The following COL19A1 variants were observed in gnomAD, a reference collection of about 807,000 sequenced individuals.
COL19A1 encodes collagen type XIX alpha 1 chain, also known as collagen alpha-1(XIX) chain.
In COL19A1, 159 loss-of-function variants were observed where a neutral mutation model predicts 190.2. The observed-to-expected ratio is 0.84, with a 90% confidence interval of 0.73 to 0.95. COL19A1 has a LOEUF of 0.95. COL19A1 is among the 40% of genes least tolerant of loss of function. The pLI, the probability that COL19A1 is intolerant of heterozygous loss-of-function variation, is 0.00. For synonymous variants in COL19A1, 509 were observed against 458.9 expected, an observed-to-expected ratio of 1.11 and a Z score of -1.39; for missense variants, 1,418 against 1,431.9, an observed-to-expected ratio of 0.99 and a Z score of 0.16.
At chr6:69,918,161 TGC>T (rs1263889304) in intron 4 of COL19A1, among the ~76,000 whole-genome samples, 1 of 152,148 alleles carries the variant, frequency 6.6e-6, no homozygotes. Flanking sequence ...GTCAGAGAAA[TGC>T]ATCTTATTCT....
Position 70,209,754 on chromosome 6 carries a change from T to G in COL19A1, c.*2480T>G, listed in dbSNP as rs1768083549. On this transcript the variant is annotated 3_prime_UTR_variant, in exon 51 of 51. Coordinates refer to ENST00000620364, the MANE Select transcript of COL19A1 (RefSeq NM_001858.6). ...CTAGAGAAACAAGGCTGTATCCACA[T>G]GGTACAAGCCTTTCTCACCCTACTC... 1 of 152,218 alleles carries G rather than the reference T, an allele frequency of 6.6e-6. No homozygotes were observed. Among genetic ancestry groups the G allele is most frequent in the South Asian group, 2.1e-4 (1 of 4,836 alleles). The allele number at this position is 152,218 out of a possible 1,614,324, so 9.4% of individuals were successfully genotyped here. A position where few individuals can be genotyped will look rare whatever the true frequency, so the allele number is the denominator to read the frequency against.
chr6:70,023,947 T>C (rs1336198598), intron 12 of COL19A1, among the ~76,000 whole-genome samples: 1 of 152,216 alleles, frequency 6.6e-6, no homozygotes, highest in Non-Finnish European at 1.5e-5. Context: ...TAGTCTTTTT[T>C]TTCTGTCTTT....
In COL19A1 at chr6:70,144,363, T is replaced by C. The variant is rs138307570; in HGVS notation, c.1680+100T>C. On this transcript the variant is annotated intron_variant, in intron 24 of 50. Coordinates refer to ENST00000620364, the MANE Select transcript of COL19A1 (RefSeq NM_001858.6). ...AAGGACAGCCCAGGGCTTCTGGGATTGTACAGATTGTGCACATTAACTACA... is the reference window on the plus strand; with the variant it reads ...AAGGACAGCCCAGGGCTTCTGGGATCGTACAGATTGTGCACATTAACTACA... 85 of 1,015,890 alleles carry C rather than the reference T, an allele frequency of 8.4e-5. No individual in the cohort carries two copies. The African/African-American group carries it at 1.1e-3, about 14-fold the overall frequency. 62.9% of individuals were successfully genotyped at this position (1,015,890 alleles called of 1,614,324 possible). A position where few individuals can be genotyped will look rare whatever the true frequency, so the allele number is the denominator to read the frequency against.
intron 48 of COL19A1, among the ~76,000 whole-genome samples, chr6:70,194,384 C>A (rs1463233164): frequency 6.6e-6 from 1 of 152,184 alleles, no homozygotes; most frequent in African/African-American, 2.4e-5. Flanking sequence ...TTCCAGGCCA[C>A]CTAACCTCCC....
At position 70,097,052 on chromosome 6, in the gene COL19A1, C is replaced by T. The variant is rs778833635; in HGVS notation, c.1225-5117C>T. Among the ~76,000 whole-genome samples the T allele has an allele frequency of 2.3e-4, 35 of 152,104 alleles. 1 individual carries two copies. The highest frequency in any genetic ancestry group is 2.2e-4 in the Non-Finnish European group (15 of 68,010). On this transcript the variant is annotated intron_variant, in intron 15 of 50. Coordinates refer to ENST00000620364, the MANE Select transcript of COL19A1 (RefSeq NM_001858.6). ...CTGCTCTAACTTCATCATCATCATCCTCATCAACAACAAAAACCATCTGTC... is the reference window on the plus strand; with the variant it reads ...CTGCTCTAACTTCATCATCATCATCTTCATCAACAACAAAAACCATCTGTC...
chr6:69,962,236 T>G lies in COL19A1; in HGVS notation c.982-590T>G, dbSNP rs6903421. 2.0e-5 allele frequency among the ~76,000 whole-genome samples: 3 copies of G among 152,032 alleles called. No individual in the cohort carries two copies. The South Asian group carries it at 6.2e-4, about 32-fold the overall frequency. On this transcript the variant is annotated intron_variant, in intron 10 of 50. Coordinates refer to ENST00000620364, the MANE Select transcript of COL19A1 (RefSeq NM_001858.6). The stretch of plus-strand genomic sequence containing the variant: ...GGGAGATGTACACCTTTTAGTATAA[T>G]CATGGTGATTGAGAGCCAGCAGCCC...
At chr6:69,986,314 T>C (rs1043694342) in intron 11 of COL19A1, among the ~76,000 whole-genome samples, 2 of 151,166 alleles carry the variant, frequency 1.3e-5, no homozygotes, top group African/African-American at 4.8e-5. Flanking sequence ...AGGGATTATA[T>C]GTTTCAGTTT....
intron 15 of COL19A1, among the ~76,000 whole-genome samples, chr6:70,101,511 A>G (rs1313987753): frequency 6.6e-6 from 1 of 152,198 alleles, no homozygotes; most frequent in Non-Finnish European, 1.5e-5. Context: ...TGCAAGAATT[A>G]TACATTTTAC....
chr6:69,873,060 G>T (rs888979028), intron 1 of COL19A1, among the ~76,000 whole-genome samples: 1 of 152,086 alleles, frequency 6.6e-6, no homozygotes, highest in Admixed American at 6.6e-5. Context: ...TGTAATATGC[G>T]GATATAATAC....
chr6:70,108,439 C>T (rs1409312303), intron 16 of COL19A1, among the ~76,000 whole-genome samples: 1 of 152,092 alleles, frequency 6.6e-6, no homozygotes, highest in African/African-American at 2.4e-5. Flanking sequence ...GGGGCAACAG[C>T]TCCATCTACT....
At position 69,932,803 on chromosome 6, in the gene COL19A1, A is replaced by G; in HGVS notation, c.687A>G (p.Lys229=). 6.2e-7 allele frequency: 1 copy of G among 1,604,250 alleles called. No homozygotes were observed. The highest frequency in any genetic ancestry group is 1.1e-5 in the South Asian group (1 of 89,500). The part of the protein sequence containing the change: ...KPVDIELHQL[K]IYCSANLIAQ... ...CATAGATTGAACTTCACCAACTTAA[A>G]ATCTACTGCAGTGCAAACCTCATAG... The change falls in exon 7 of 51, where the codon AAA becomes AAG. Residue 229 remains lysine (K), a synonymous_variant. Transcript: ENST00000620364.
intron 9 of COL19A1, among the ~76,000 whole-genome samples, chr6:69,951,389 A>C (rs1178083955): frequency 6.6e-6 from 1 of 151,982 alleles, no homozygotes; most frequent in Non-Finnish European, 1.5e-5. Context: ...TAATTTTAAC[A>C]ATAAACAGTT....
At chr6:70,105,817 T>A (rs7755777) in intron 16 of COL19A1, among the ~76,000 whole-genome samples, 40,317 of 151,986 alleles carry the variant, frequency 0.27, 6,136 homozygotes, top group African/African-American at 0.42. Flanking sequence ...TGAAATGTAT[T>A]TTTTAAAAAA....
At chr6:69,877,929 A>G (rs1209930522) in intron 1 of COL19A1, among the ~76,000 whole-genome samples, 1 of 151,926 alleles carries the variant, frequency 6.6e-6, no homozygotes, top group Admixed American at 6.6e-5. Flanking sequence ...TGCTTGAACC[A>G]GGACCTGGGA....
chr6:69,913,498 A>C (rs1237944809), intron 4 of COL19A1, among the ~76,000 whole-genome samples: 1 of 152,242 alleles, frequency 6.6e-6, no homozygotes, highest in East Asian at 1.9e-4. Flanking sequence ...GAAAAGCTTC[A>C]TAGAGGAAGT....
rs192155998 is a variant in COL19A1 at position 70,180,556 on chromosome 6, C to T, written c.2775+33C>T. The stretch of plus-strand genomic sequence containing the variant: ...CTTCTTACTACTTAAAATATGCCAC[C>T]TAGAGAAATGCTCTAACATTATCTC... On this transcript the variant is annotated intron_variant, in intron 44 of 50. Coordinates refer to ENST00000620364, the MANE Select transcript of COL19A1 (RefSeq NM_001858.6). The T allele has an allele frequency of 9.4e-6, 15 of 1,601,258 alleles. No homozygotes were observed. The African/African-American group carries it at 1.6e-4, about 17-fold the overall frequency.
chr6:70,207,013 C>G (rs1337871421), intron 50 of COL19A1, 35 bp downstream of exon 50: 4 of 1,608,836 alleles, frequency 2.5e-6, no homozygotes, highest in African/African-American at 2.7e-5. Context: ...CACAAGCAAG[C>G]CTTTACAAAT....
At chr6:69,917,727 G>A (rs1771402668) in intron 4 of COL19A1, among the ~76,000 whole-genome samples, 1 of 151,988 alleles carries the variant, frequency 6.6e-6, no homozygotes, top group African/African-American at 2.4e-5. Context: ...CTAAATCAAG[G>A]GTGTCGAATC....
chr6:70,066,254 G>T (rs148649802), intron 14 of COL19A1, among the ~76,000 whole-genome samples: 8,511 of 152,202 alleles, frequency 0.056, 788 homozygotes, highest in African/African-American at 0.19. Flanking sequence ...ATACACCATG[G>T]AATACTATGC....
Sources: gnomAD v4.1 joint callset for allele counts (sites outside exome capture counted in the v4.1 genomes callset) on GRCh38, gnomAD v4.1.1 for gene constraint, MANE v1.5 for transcripts, NCBI Gene and HGNC (gene_info 2026-07-23, HGNC 2026-07-21) for gene names.